Variants in BCAR1 observed in about 807,000 individuals in gnomAD.
BCAR1 encodes breast cancer anti-estrogen resistance protein 1.
Under a neutral mutation model 67.6 loss-of-function variants are expected in BCAR1, and 30 were observed. The ratio of observed to expected loss-of-function variants is 0.44; its 90% confidence interval spans 0.33 to 0.60. The LOEUF (loss-of-function observed/expected upper bound fraction) is 0.60. Ranked by LOEUF, BCAR1 falls within the 20% of genes least tolerant of loss-of-function variation. The pLI is 0.02. For missense variants in BCAR1, 1,313 were observed against 1,222.3 expected (o/e 1.07, Z -1.11); for synonymous variants, 626 against 556.7 (o/e 1.12, Z -1.75).
intron 5 of BCAR1, among the ~76,000 whole-genome samples, 191 bp from the exon 6 acceptor site, chr16:75,234,126 C>T (rs1433105012): frequency 1.4e-5 from 2 of 142,056 alleles, no homozygotes; most frequent in Non-Finnish European, 3.1e-5. Flanking sequence ...CACACGTGAA[C>T]ACACACACAG....
chr16:75,248,146 T>A (rs1015854212), intron 1 of BCAR1: 2 of 1,591,808 alleles, frequency 1.3e-6, no homozygotes, highest in Non-Finnish European at 1.7e-6. Context: ...GACCCCAGGC[T>A]GAGACACGGT....
chr16:75,266,796 T>TA, intron 1 of BCAR1: 1 of 1,434,764 alleles, frequency 7.0e-7, no homozygotes, highest in Non-Finnish European at 9.3e-7. Context: ...CAAGTGGGGC[T>TA]GGGGTCCAGA....
At chr16:75,258,494 C>G (rs2077829195) in intron 1 of BCAR1, among the ~76,000 whole-genome samples, 1 of 152,212 alleles carries the variant, frequency 6.6e-6, no homozygotes, top group Non-Finnish European at 1.5e-5. Flanking sequence ...TGTAAAAGAA[C>G]AGCCGTGTCC....
chr16:75,251,697 T>A (rs924092307), upstream of BCAR1: 1 of 991,214 alleles, frequency 1.0e-6, no homozygotes, highest in African/African-American at 1.7e-5. Flanking sequence ...CGCGCGCCCA[T>A]TGGCCGCCGC....
At chr16:75,250,694 A>G in intron 1 of BCAR1, 10 of 985,384 alleles carry the variant, frequency 1.0e-5, no homozygotes, top group Non-Finnish European at 1.2e-5. Flanking sequence ...AGCCTCTCGG[A>G]CCCTCGAGAG....
At chr16:75,264,796 T>G in intron 1 of BCAR1, 1 of 447,238 alleles carries the variant, frequency 2.2e-6, no homozygotes, top group Non-Finnish European at 3.3e-6. Flanking sequence ...TGAGGAGCAG[T>G]TCCAGAAACA....
chr16:75,258,134 T>C (rs1297015683), intron 1 of BCAR1, among the ~76,000 whole-genome samples: 1 of 152,212 alleles, frequency 6.6e-6, no homozygotes. Flanking sequence ...CCCACCCCGC[T>C]GGGCACCAGG....
At chr16:75,236,253 T>C (rs1567595667) in intron 4 of BCAR1, 3 of 525,984 alleles carry the variant, frequency 5.7e-6, no homozygotes, top group Admixed American at 3.7e-5. Context: ...TGGAGCCAGG[T>C]GACCACCCCT....
At chr16:75,252,101 C>T, upstream of BCAR1, 2 of 1,243,958 alleles carry the variant, frequency 1.6e-6, no homozygotes, top group Non-Finnish European at 2.3e-6. Flanking sequence ...GTGCCCCAGC[C>T]TGTAGGAGAC....
upstream of BCAR1, among the ~76,000 whole-genome samples, chr16:75,253,964 GCCC>G (rs1292390788): frequency 8.2e-6 from 1 of 121,448 alleles, no homozygotes; most frequent in African/African-American, 3.2e-5. Context: ...CTCACCGTTA[GCCC>G]CAATTTTTTT....
At chr16:75,231,574 T>G (rs961627593) in intron 6 of BCAR1, among the ~76,000 whole-genome samples, 1 of 152,240 alleles carries the variant, frequency 6.6e-6, no homozygotes, top group Non-Finnish European at 1.5e-5. Flanking sequence ...AACATGGACT[T>G]TATGTCCTTG....
At position 75,242,735 on chromosome 16, in the gene BCAR1, G is replaced by A. The variant is rs2077390053; in HGVS notation, c.368C>T (p.Ala123Val). 1.3e-6 allele frequency: 2 copies of A among 1,584,432 alleles called. No individual in the cohort carries two copies. The highest frequency in any genetic ancestry group is 1.7e-6 in the Non-Finnish European group (2 of 1,165,636). ...CGGGACTTGGTAGAGGCCTTGCTGAGCCTTGCTGGGAGTGGGCACCAGGTA... is the reference window on the plus strand; with the variant it reads ...CGGGACTTGGTAGAGGCCTTGCTGAACCTTGCTGGGAGTGGGCACCAGGTA... ...SVYLVPTPSK[A>V]QQGLYQVPGP... Residue 123 changes from alanine (A) to valine (V), a missense_variant, in exon 2 of 7, where the codon GCT (alanine) becomes GTT (valine). Ala to Val is a moderately conservative substitution (Grantham distance 64). Around this residue, in one of 2 missense-constraint regions of BCAR1, gnomAD observed 1,272 missense variants for 1,137.5 expected, o/e 1.12. Coordinates refer to ENST00000162330, the MANE Select transcript of BCAR1 (RefSeq NM_014567.5).
Position 75,237,227 on chromosome 16 carries a change from C to A in BCAR1, c.751G>T (p.Val251Leu). 1 of 1,566,232 alleles carries A rather than the reference C, an allele frequency of 6.4e-7. No homozygotes were observed. Among genetic ancestry groups the A allele is most frequent in the Non-Finnish European group, 8.6e-7 (1 of 1,158,260 alleles). ...GGAAGCAGCCCCCGAACCGGGGGCA[C>A]ATCATAGATGTCCTGTGGCCCCGGG... ...LAPGPQDIYD[V>L]PPVRGLLPSQ... Residue 251 changes from valine to leucine, a missense_variant, in exon 3 of 7, where the codon GTG becomes TTG. Transcript: ENST00000162330.
intron 1 of BCAR1, chr16:75,250,893 C>T (rs997815696): frequency 4.1e-6 from 4 of 985,528 alleles, no homozygotes; most frequent in Non-Finnish European, 4.8e-6. Context: ...GGCGCGCCCG[C>T]CCCCACTCCC....
chr16:75,236,101 C>G, intron 4 of BCAR1, 115 bp from the exon 5 acceptor site: 1 of 1,332,674 alleles, frequency 7.5e-7, no homozygotes, highest in Non-Finnish European at 1.0e-6. Flanking sequence ...GACACACACA[C>G]AGAGGCACGC....
At chr16:75,243,914 G>C (rs1251942130) in intron 1 of BCAR1, among the ~76,000 whole-genome samples, 1 of 152,272 alleles carries the variant, frequency 6.6e-6, no homozygotes, top group East Asian at 1.9e-4. Context: ...GCCAGGCGCA[G>C]GATGGGCCCA....
intron 1 of BCAR1, among the ~76,000 whole-genome samples, chr16:75,256,941 C>T (rs1404818978): frequency 6.6e-6 from 1 of 152,198 alleles, no homozygotes; most frequent in Non-Finnish European, 1.5e-5. Context: ...TGCACTCTGC[C>T]CCGCTGCTGA....
At chr16:75,255,336 C>A (rs1471907266), upstream of BCAR1, among the ~76,000 whole-genome samples, 3 of 152,230 alleles carry the variant, frequency 2.0e-5, no homozygotes, top group Non-Finnish European at 4.4e-5. Context: ...CGGAGGTGAG[C>A]ACTGCCAGCC....
At chr16:75,252,374 A>T, upstream of BCAR1, 1 of 1,517,608 alleles carries the variant, frequency 6.6e-7, no homozygotes, top group South Asian at 1.2e-5. Context: ...CATCTGCTTC[A>T]GCGACATGGG....
Sources: gnomAD v4.1 joint callset for allele counts (sites outside exome capture counted in the v4.1 genomes callset) on GRCh38, gnomAD v4.1.1 for gene constraint, gnomAD v4.1.1 regional missense constraint, MANE v1.5 for transcripts, NCBI Gene and HGNC (gene_info 2026-07-23, HGNC 2026-07-21) for gene names.